Variants in CNTNAP2 observed in about 807,000 individuals in gnomAD.
CNTNAP2 encodes the protein contactin associated protein 2.
In CNTNAP2, 98 loss-of-function variants were observed where a neutral mutation model predicts 155.2. The ratio of observed to expected loss-of-function variants is 0.63; its 90% CI spans 0.54 to 0.75. The LOEUF is 0.75. CNTNAP2 is among the 30% of genes least tolerant of loss of function. CNTNAP2 has a pLI of 0.00. For synonymous variants in CNTNAP2, 651 were observed against 631.2 expected (o/e 1.03, Z -0.47); for missense variants, 1,727 against 1,688.1 (o/e 1.02, Z -0.40).
chr7:148,348,452 G>T (rs976071871), intron 21 of CNTNAP2, among the ~76,000 whole-genome samples: 1 of 152,128 alleles, frequency 6.6e-6, no homozygotes, highest in Non-Finnish European at 1.5e-5. Flanking sequence ...TCCCTGCTGG[G>T]TGCCTTCCAG....
chr7:146,755,111 A>G (rs1801972837), intron 1 of CNTNAP2, among the ~76,000 whole-genome samples: 1 of 151,936 alleles, frequency 6.6e-6, no homozygotes, highest in Non-Finnish European at 1.5e-5. Context: ...TTTGTAGGGT[A>G]TATACTAGTT....
At position 146,839,733 on chromosome 7, in the gene CNTNAP2, A is replaced by G. The variant is rs751347835; in HGVS notation, c.231A>G (p.Ser77=). ...KRGGAGGWSP[S]DSDHYQWLQV... ...CAGGTGCTGGGGGATGGTCTCCATC[A>G]GACAGCGACCATTATCAATGGCTTC... Residue 77 remains serine, a synonymous_variant, in exon 3 of 24, where the codon TCA becomes TCG. Transcript: ENST00000361727. 6.2e-7 allele frequency: 1 copy of G among 1,614,222 alleles called. No individual in the cohort carries two copies. Among genetic ancestry groups the G allele is most frequent in the East Asian group, 2.2e-5 (1 of 44,880 alleles).
Position 148,309,115 on chromosome 7 carries a change from T to C in CNTNAP2, c.3475+41989T>C, listed in dbSNP as rs542899345. 5.3e-5 allele frequency among the ~76,000 whole-genome samples: 8 copies of C among 152,356 alleles called. No homozygotes were observed. In the East Asian group the frequency reaches 5.8e-4, roughly 11 times the overall value. ...CCAGTAATGGGATTGCTGGGTCAAA[T>C]GGTATTTCTGGTTCTAGATTCTTGA... On this transcript the variant is annotated intron_variant, in intron 21 of 23. Transcript: ENST00000361727.
At chr7:146,969,085 G>C (rs1361682260) in intron 3 of CNTNAP2, among the ~76,000 whole-genome samples, 3 of 150,222 alleles carry the variant, frequency 2.0e-5, no homozygotes, top group African/African-American at 7.3e-5. Flanking sequence ...AGTCATTCAG[G>C]AGCAGGTTGT....
chr7:147,353,244 A>T (rs1380325593), intron 9 of CNTNAP2, among the ~76,000 whole-genome samples: 3 of 151,782 alleles, frequency 2.0e-5, no homozygotes, highest in African/African-American at 7.3e-5. Flanking sequence ...CGTTTGCTGC[A>T]CCAATCAACC....
At chr7:146,917,970 A>G (rs1440872775) in intron 3 of CNTNAP2, among the ~76,000 whole-genome samples, 1 of 152,132 alleles carries the variant, frequency 6.6e-6, no homozygotes, top group Non-Finnish European at 1.5e-5. Context: ...GTTGCTTTAA[A>G]GTTTGTTTTC....
chr7:146,370,479 A>G (rs746285285), intron 1 of CNTNAP2, among the ~76,000 whole-genome samples: 1 of 151,622 alleles, frequency 6.6e-6, no homozygotes, highest in Admixed American at 6.6e-5. Flanking sequence ...TTCCTTAATG[A>G]TTTTCACTGT....
intron 13 of CNTNAP2, among the ~76,000 whole-genome samples, chr7:147,742,193 G>T (rs888893329): frequency 6.6e-6 from 1 of 152,252 alleles, no homozygotes; most frequent in East Asian, 1.9e-4. Flanking sequence ...GGTGAGATTT[G>T]GTTAGGGACA....
At chr7:146,736,880 CT>C (rs1563210357) in intron 1 of CNTNAP2, among the ~76,000 whole-genome samples, 1 of 151,944 alleles carries the variant, frequency 6.6e-6, no homozygotes, top group Non-Finnish European at 1.5e-5. Flanking sequence ...AAATTAATGA[CT>C]TTAGGAAATA....
intron 1 of CNTNAP2, among the ~76,000 whole-genome samples, chr7:146,599,261 CATTCAATATTAGAG>C (rs1798909779): frequency 6.6e-6 from 1 of 152,020 alleles, no homozygotes; most frequent in Admixed American, 6.6e-5. Context: ...CTAAAATAAT[CATTCAATATTAGAG>C]ACACATTGTG....
At chr7:147,490,338 A>T (rs753536631) in intron 11 of CNTNAP2, among the ~76,000 whole-genome samples, 102 of 152,186 alleles carry the variant, frequency 6.7e-4, no homozygotes, top group Non-Finnish European at 1.1e-3. Flanking sequence ...TTAGAGAAAA[A>T]TTTAAATGTA....
At chr7:146,890,225 T>C (rs1795747403) in intron 3 of CNTNAP2, among the ~76,000 whole-genome samples, 1 of 152,242 alleles carries the variant, frequency 6.6e-6, no homozygotes, top group East Asian at 1.9e-4. Flanking sequence ...TCATAGGCTA[T>C]CTTCAGATCT....
intron 1 of CNTNAP2, among the ~76,000 whole-genome samples, chr7:146,353,034 C>A (rs938280717): frequency 1.3e-5 from 2 of 151,794 alleles, no homozygotes; most frequent in African/African-American, 2.4e-5. Flanking sequence ...GATTACAGGC[C>A]TGAGCCACCG....
intron 1 of CNTNAP2, among the ~76,000 whole-genome samples, chr7:146,219,684 T>A (rs1270400472): frequency 6.6e-6 from 1 of 152,152 alleles, no homozygotes; most frequent in South Asian, 2.1e-4. Flanking sequence ...AGCAATACCT[T>A]TGCATGATTT....
At chr7:146,342,548 A>T (rs1326570678) in intron 1 of CNTNAP2, among the ~76,000 whole-genome samples, 2 of 152,190 alleles carry the variant, frequency 1.3e-5, no homozygotes, top group Non-Finnish European at 2.9e-5. Context: ...CATGATAAAA[A>T]TCTATCACTA....
At chr7:146,910,264 A>G (rs1399006129) in intron 3 of CNTNAP2, among the ~76,000 whole-genome samples, 2 of 149,168 alleles carry the variant, frequency 1.3e-5, no homozygotes, top group Non-Finnish European at 3.0e-5. Flanking sequence ...CATCCCCATC[A>G]AGCTACCAAT....
intron 18 of CNTNAP2, among the ~76,000 whole-genome samples, chr7:148,213,956 G>A (rs561300618): frequency 1.3e-5 from 2 of 152,332 alleles, no homozygotes; most frequent in Non-Finnish European, 2.9e-5. Flanking sequence ...GTTTGTCCAG[G>A]CGGCATGATG....
intron 12 of CNTNAP2, among the ~76,000 whole-genome samples, chr7:147,621,210 AC>A (rs753688947): frequency 7.6e-4 from 115 of 152,260 alleles, no homozygotes; most frequent in Non-Finnish European, 1.2e-3. Context: ...TCAACACCAG[AC>A]CTGTCCTATG....
At chr7:146,256,898 C>T (rs565264102) in intron 1 of CNTNAP2, among the ~76,000 whole-genome samples, 13 of 152,000 alleles carry the variant, frequency 8.6e-5, no homozygotes, top group East Asian at 1.9e-4. Context: ...ATCTCTAAGG[C>T]GTTGTGAGAT....
Sources: gnomAD v4.1 joint callset for allele counts (sites outside exome capture counted in the v4.1 genomes callset) on GRCh38, gnomAD v4.1.1 for gene constraint, MANE v1.5 for transcripts, NCBI Gene and HGNC (gene_info 2026-07-23, HGNC 2026-07-21) for gene names.